C20orf203: variants seen among roughly 807,000 people sequenced by gnomAD.
C20orf203 encodes the protein uncharacterized protein C20orf203.
In C20orf203, 16 loss-of-function variants were observed where a neutral mutation model predicts 15.9. The ratio of observed to expected loss-of-function variants is 1.01; its 90% CI spans 0.68 to 1.53. The LOEUF (loss-of-function observed/expected upper bound fraction) is 1.53, where lower values mean the gene tolerates loss of function less well. C20orf203 is among the 40% of genes most tolerant of loss of function. The pLI, the probability that C20orf203 is intolerant of heterozygous loss-of-function variation, is 0.00. For missense variants in C20orf203, 263 were observed against 247.5 expected, an observed-to-expected ratio of 1.06 and a Z score of -0.42; for synonymous variants, 98 against 97.2, an observed-to-expected ratio of 1.01 and a Z score of -0.05.
At chr20:32,641,442 C>T (rs977789609) in intron 4 of C20orf203, among the ~76,000 whole-genome samples, 7 of 150,980 alleles carry the variant, frequency 4.6e-5, no homozygotes, top group African/African-American at 1.7e-4. Context: ...TTGTGTAAGT[C>T]TGTGTGTAGA....
chr20:32,665,735 G>C (rs1017199502), intron 1 of C20orf203, among the ~76,000 whole-genome samples: 1 of 152,192 alleles, frequency 6.6e-6, no homozygotes, highest in African/African-American at 2.4e-5. Flanking sequence ...GGAGGCCAAG[G>C]AGGGTGGATC....
At chr20:32,669,621 TGAA>T (rs1983114837) in intron 1 of C20orf203, among the ~76,000 whole-genome samples, 1 of 152,106 alleles carries the variant, frequency 6.6e-6, no homozygotes, top group African/African-American at 2.4e-5. Flanking sequence ...TGCGAAAGAA[TGAA>T]ACTGGACCCT....
chr20:32,666,155 T>TAAAAAAAAAAAAAAAAAAAAAAATAAAAA (rs147487671), intron 1 of C20orf203, among the ~76,000 whole-genome samples: 1 of 102,776 alleles, frequency 9.7e-6, no homozygotes, highest in African/African-American at 3.7e-5. Context: ...ATAAATAAAG[T>TAAAAAAAAAAAAAAAAAAAAAAATAAAAA]AAAAAAAAAA....
intron 5 of C20orf203, among the ~76,000 whole-genome samples, chr20:32,635,908 C>T (rs1318700723): frequency 6.6e-6 from 1 of 152,186 alleles, no homozygotes; most frequent in East Asian, 1.9e-4. Flanking sequence ...CCAGCAAAAA[C>T]CCCCAGGGAG....
intron 1 of C20orf203, among the ~76,000 whole-genome samples, chr20:32,659,033 G>A (rs769849314): frequency 6.6e-6 from 1 of 151,942 alleles, no homozygotes; most frequent in South Asian, 2.1e-4. Context: ...GCACCACCAC[G>A]CCTGGCTAAT....
At chr20:32,668,353 C>T (rs1424876788) in intron 1 of C20orf203, among the ~76,000 whole-genome samples, 2 of 152,100 alleles carry the variant, frequency 1.3e-5, no homozygotes, top group African/African-American at 4.8e-5. Flanking sequence ...AGGTGGGGCA[C>T]GGTGGCTCAC....
chr20:32,661,269 G>A (rs371000650), intron 1 of C20orf203, among the ~76,000 whole-genome samples: 13 of 152,326 alleles, frequency 8.5e-5, no homozygotes, highest in Admixed American at 7.2e-4. Context: ...GGGCTCAGAG[G>A]TGAACCAGGC....
chr20:32,638,879 G>A (rs370160672), intron 5 of C20orf203, among the ~76,000 whole-genome samples: 85 of 152,088 alleles, frequency 5.6e-4, no homozygotes, highest in African/African-American at 1.5e-3. Context: ...CGGCAATGTC[G>A]GCCTGACTCA....
intron 1 of C20orf203, among the ~76,000 whole-genome samples, chr20:32,673,163 G>A (rs1045774049): frequency 9.9e-5 from 15 of 152,160 alleles, no homozygotes; most frequent in Admixed American, 2.6e-4. Flanking sequence ...GGGAACAAGC[G>A]ACAAGCCCGC....
In C20orf203 at chr20:32,659,414, G is replaced by A. The variant is rs917112192; in HGVS notation, c.-263-7433C>T. Among the ~76,000 whole-genome samples the A allele has an allele frequency of 5.9e-5, 9 of 152,296 alleles. No individual in the cohort carries two copies. In the South Asian group the frequency reaches 6.2e-4, roughly 11 times the overall value. On this transcript the variant is annotated intron_variant, in intron 1 of 5. Transcript: ENST00000608990. ...TCGCAGCTCAATGAACACTCTCTAC[G>A]CATCAGGCAGTCCTGCTAGGTGATG...
intron 4 of C20orf203, 33 bp from the exon 5 acceptor site, chr20:32,640,720 A>C (rs1243053018): frequency 6.6e-6 from 1 of 152,124 alleles, no homozygotes; most frequent in South Asian, 2.1e-4. Flanking sequence ...CAAACAAAAA[A>C]AACAAAAACA....
chr20:32,637,235 A>C (rs1324572423), intron 5 of C20orf203, among the ~76,000 whole-genome samples: 1 of 152,176 alleles, frequency 6.6e-6, no homozygotes, highest in Non-Finnish European at 1.5e-5. Flanking sequence ...CAACATGGTG[A>C]AACCCCATCT....
At chr20:32,659,826 C>G (rs1296851342) in intron 1 of C20orf203, among the ~76,000 whole-genome samples, 1 of 152,222 alleles carries the variant, frequency 6.6e-6, no homozygotes, top group Non-Finnish European at 1.5e-5. Context: ...TGGGCATGCT[C>G]CCCACCTCCG....
intron 5 of C20orf203, among the ~76,000 whole-genome samples, chr20:32,639,624 T>G (rs923428664): frequency 1.5e-5 from 1 of 67,462 alleles, no homozygotes; most frequent in Non-Finnish European, 3.4e-5. Context: ...TTTTTTTAAA[T>G]AGTAAAAAAA....
intron 1 of C20orf203, among the ~76,000 whole-genome samples, chr20:32,659,470 T>C (rs935653356): frequency 6.6e-6 from 1 of 152,258 alleles, no homozygotes; most frequent in Non-Finnish European, 1.5e-5. Context: ...CTCCTCCTGA[T>C]GACCTGAAGT....
At chr20:32,647,068 C>T (rs1568748051) in intron 4 of C20orf203, among the ~76,000 whole-genome samples, 1 of 152,210 alleles carries the variant, frequency 6.6e-6, no homozygotes, top group East Asian at 1.9e-4. Context: ...TGGAGAGGCT[C>T]ATGCCTCCCC....
intron 1 of C20orf203, among the ~76,000 whole-genome samples, chr20:32,661,807 C>T (rs1982897668): frequency 6.6e-6 from 1 of 152,108 alleles, no homozygotes; most frequent in Non-Finnish European, 1.5e-5. Flanking sequence ...TCAGGATGGG[C>T]CACAGCTCTA....
chr20:32,640,255 C>T (rs1272480318), intron 5 of C20orf203, among the ~76,000 whole-genome samples: 1 of 151,964 alleles, frequency 6.6e-6, no homozygotes, highest in Non-Finnish European at 1.5e-5. Context: ...TTTTTTTCTG[C>T]TTATCCATAT....
intron 2 of C20orf203, 43 bp from the exon 3 acceptor site, chr20:32,651,209 G>T: frequency 2.0e-6 from 1 of 499,914 alleles, no homozygotes; most frequent in East Asian, 3.3e-5. Flanking sequence ...TGGGTGTGTT[G>T]GCTTGCGCCT....
Sources: gnomAD v4.1 joint callset for allele counts (sites outside exome capture counted in the v4.1 genomes callset) on GRCh38, gnomAD v4.1.1 for gene constraint, MANE v1.5 for transcripts, NCBI Gene and HGNC (gene_info 2026-07-23, HGNC 2026-07-21) for gene names.